The following NUMA1 variants were observed in gnomAD, a reference collection of about 807,000 sequenced individuals.
NUMA1 encodes nuclear mitotic apparatus protein 1.
Under a neutral mutation model 237.1 loss-of-function variants are expected in NUMA1, and 62 were observed. That is an observed-to-expected ratio of 0.26 (90% CI 0.21 to 0.32). The LOEUF (loss-of-function observed/expected upper bound fraction) is 0.32, where lower values mean the gene tolerates loss of function less well. Among genes scored for constraint, NUMA1 ranks in the 10% least tolerant of loss-of-function variants. The pLI is 1.00. For missense variants in NUMA1, 2,533 were observed against 2,666.5 expected (o/e 0.95, Z 1.10); for synonymous variants, 1,028 against 1,066.1 (o/e 0.96, Z 0.70).
chr11:72,049,541 TAAA>T (rs386374127), intron 2 of NUMA1: 1 of 18,966 alleles, frequency 5.3e-5, no homozygotes, highest in African/African-American at 1.1e-4. Context: ...AGAACCTGTC[TAAA>T]AAAAAAAATA....
intron 17 of NUMA1, among the ~76,000 whole-genome samples, chr11:72,009,735 C>CGGAG (rs1565197665): frequency 2.6e-5 from 4 of 152,052 alleles, no homozygotes; most frequent in African/African-American, 9.7e-5. Flanking sequence ...GAGCCTTACT[C>CGGAG]TAAGGCACTT....
chr11:72,028,622 A>G (rs1339693983), intron 4 of NUMA1, among the ~76,000 whole-genome samples: 1 of 152,220 alleles, frequency 6.6e-6, no homozygotes, highest in East Asian at 1.9e-4. Flanking sequence ...TCCTTGCTGC[A>G]TGGTAACAAC....
chr11:72,029,695 T>C (rs974926876), intron 3 of NUMA1, among the ~76,000 whole-genome samples: 1 of 152,246 alleles, frequency 6.6e-6, no homozygotes, highest in Non-Finnish European at 1.5e-5. Context: ...TATAGCTCTT[T>C]GTATTTCTTG....
At chr11:72,080,155 C>G (rs1489569947) in intron 1 of NUMA1, among the ~76,000 whole-genome samples, 1 of 152,084 alleles carries the variant, frequency 6.6e-6, no homozygotes, top group African/African-American at 2.4e-5. Context: ...TTTCCAGGAC[C>G]CGACCCCTCG....
At chr11:72,036,794 C>T (rs1329729563) in intron 2 of NUMA1, among the ~76,000 whole-genome samples, 1 of 152,198 alleles carries the variant, frequency 6.6e-6, no homozygotes, top group African/African-American at 2.4e-5. Context: ...CTGCCACCTG[C>T]CTGCCAACCC....
At chr11:72,057,752 A>C (rs1019213920) in intron 2 of NUMA1, among the ~76,000 whole-genome samples, 3 of 150,452 alleles carry the variant, frequency 2.0e-5, no homozygotes, top group Non-Finnish European at 3.0e-5. Context: ...TCAAAAAAAA[A>C]CAAAAAAAAA....
intron 4 of NUMA1, among the ~76,000 whole-genome samples, chr11:72,028,582 A>G (rs762287159): frequency 1.4e-4 from 21 of 152,182 alleles, no homozygotes; most frequent in Non-Finnish European, 8.8e-5. Flanking sequence ...GAAATGTGCT[A>G]AAGACACAGA....
intron 3 of NUMA1, among the ~76,000 whole-genome samples, chr11:72,035,499 C>T (rs1358799764): frequency 6.7e-6 from 1 of 148,896 alleles, no homozygotes; most frequent in African/African-American, 2.5e-5. Context: ...CCTCCGCCTC[C>T]CGGGTTCAAG....
chr11:72,020,097 C>T (rs1938551317), intron 8 of NUMA1, among the ~76,000 whole-genome samples: 1 of 152,182 alleles, frequency 6.6e-6, no homozygotes. Context: ...TTTCCGTGAC[C>T]CCTTTTGTAG....
intron 8 of NUMA1, 146 bp from the exon 9 acceptor site, chr11:72,019,763 A>G (rs555951183): frequency 9.4e-6 from 8 of 854,126 alleles, no homozygotes; most frequent in Admixed American, 6.2e-5. Flanking sequence ...GGCACTGGGC[A>G]GAACCTGAAA....
At chr11:72,008,624 G>C (rs1489007181) in intron 20 of NUMA1, 64 bp downstream of exon 20, 6 of 1,519,574 alleles carry the variant, frequency 3.9e-6, no homozygotes, top group Non-Finnish European at 2.7e-6. Flanking sequence ...ATCTCACTAG[G>C]ATACAGCCTG....
chr11:72,057,762 AC>A (rs1171730580), intron 2 of NUMA1, among the ~76,000 whole-genome samples: 79 of 150,744 alleles, frequency 5.2e-4, no homozygotes, highest in African/African-American at 1.7e-3. Flanking sequence ...ACAAAAAAAA[AC>A]AAAAAACAAA....
chr11:72,018,299 G>T lies in NUMA1; in HGVS notation c.862C>A (p.Leu288Ile). 1.9e-6 allele frequency: 3 copies of T among 1,613,786 alleles called. No homozygotes were observed. The highest frequency in any genetic ancestry group is 2.5e-6 in the Non-Finnish European group (3 of 1,179,644). ...AGGGTTTCATGCAGCCGCATGGTAAGGCTGCGAGGGAGGGAAGCAGTGAGA... is the reference window on the plus strand; with the variant it reads ...AGGGTTTCATGCAGCCGCATGGTAATGCTGCGAGGGAGGGAAGCAGTGAGA... ...LEELRDKNES[L>I]TMRLHETLKQ... The change falls in exon 12 of 27, where the codon CTT (leucine) becomes ATT (isoleucine). Residue 288 changes from leucine to isoleucine, a missense_variant and splice_region_variant. By Grantham distance (5) the Leu-to-Ile change is conservative. This residue lies in a region of NUMA1 where 1,414 missense variants were observed against 1,508.1 expected (regional missense o/e 0.94). Transcript: ENST00000393695.
Position 72,017,727 on chromosome 11 carries a change from G to A in NUMA1, c.1079C>T (p.Ala360Val), listed in dbSNP as rs1483785910. 6.2e-6 allele frequency: 10 copies of A among 1,613,224 alleles called. No individual in the cohort carries two copies. Among genetic ancestry groups the A allele is most frequent in the African/African-American group, 1.3e-5 (1 of 74,918 alleles). ...KATQEWLEKQ[A>V]QLEKELSAAL... Reference sequence around the variant, plus strand: ...TGCGCTGAGCTCCTTCTCCAGCTGGGCCTGCTTCTCTAGCCACTCCTGAGT... The same window carrying A: ...TGCGCTGAGCTCCTTCTCCAGCTGGACCTGCTTCTCTAGCCACTCCTGAGT... Residue 360 changes from alanine (A) to valine (V), a missense_variant, in exon 13 of 27, where the codon GCC (alanine) becomes GTC (valine). Ala to Val is a moderately conservative substitution (Grantham distance 64). Coordinates refer to ENST00000393695, the MANE Select transcript of NUMA1 (RefSeq NM_006185.4).
intron 2 of NUMA1, among the ~76,000 whole-genome samples, chr11:72,055,869 A>G (rs997397452): frequency 1.3e-5 from 2 of 151,768 alleles, no homozygotes; most frequent in African/African-American, 2.4e-5. Flanking sequence ...TAATCTTAGC[A>G]CTTTGAGAGG....
intron 2 of NUMA1, among the ~76,000 whole-genome samples, chr11:72,037,323 G>A (rs1184326181): frequency 6.6e-6 from 1 of 152,158 alleles, no homozygotes; most frequent in Non-Finnish European, 1.5e-5. Context: ...GGCTAACATG[G>A]TGAAACCCCG....
At chr11:72,043,159 C>A (rs995586406) in intron 2 of NUMA1, among the ~76,000 whole-genome samples, 1 of 151,524 alleles carries the variant, frequency 6.6e-6, no homozygotes, top group East Asian at 2.0e-4. Flanking sequence ...CAGAATTAAA[C>A]TGAGGAGATG....
rs371233509 is a variant in NUMA1 at position 72,009,405 on chromosome 11, T to C, written c.4720-18A>G. On this transcript the variant is annotated intron_variant, in intron 17 of 26. Coordinates refer to ENST00000393695, the MANE Select transcript of NUMA1 (RefSeq NM_006185.4). ...TGGACAGCCTGAGAAGAAAGGCCAC[T>C]CAGGAAAGCTGGTCTGGCCGCTCTA... The C allele has an allele frequency of 1.1e-5, 18 of 1,588,958 alleles. 2 individuals are homozygous for C. The South Asian group carries it at 2.0e-4, about 18-fold the overall frequency.
At chr11:72,031,139 T>TAAGC (rs1245724264) in intron 3 of NUMA1, among the ~76,000 whole-genome samples, 2 of 151,488 alleles carry the variant, frequency 1.3e-5, no homozygotes, top group African/African-American at 4.9e-5. Flanking sequence ...AATAAATAAA[T>TAAGC]AAGCAAGCAA....
Sources: gnomAD v4.1 joint callset for allele counts (sites outside exome capture counted in the v4.1 genomes callset) on GRCh38, gnomAD v4.1.1 for gene constraint, gnomAD v4.1.1 regional missense constraint, MANE v1.5 for transcripts, NCBI Gene and HGNC (gene_info 2026-07-23, HGNC 2026-07-21) for gene names.